Variants in VPS13B observed in about 807,000 individuals in gnomAD.
VPS13B encodes vacuolar protein sorting 13 homolog B.
In VPS13B, 285 loss-of-function variants were observed where a neutral mutation model predicts 426.4. The ratio of observed to expected loss-of-function variants is 0.67; its 90% CI spans 0.61 to 0.74. The LOEUF (loss-of-function observed/expected upper bound fraction) is 0.74, where lower values mean the gene tolerates loss of function less well. VPS13B is among the 30% of genes least tolerant of loss of function. The probability of loss-of-function intolerance (pLI) is 0.00; values close to 1 mark genes in which losing one functional copy is unlikely to be tolerated. For missense variants in VPS13B, 4,537 were observed against 4,782.6 expected (o/e 0.95, Z 1.51); for synonymous variants, 1,676 against 1,676.4 (o/e 1.00, Z 0.01).
intron 3 of VPS13B, among the ~76,000 whole-genome samples, chr8:99,048,448 A>G (rs1843344726): frequency 6.6e-6 from 1 of 152,144 alleles, no homozygotes. Flanking sequence ...TCAGTGGAGT[A>G]TTGAAGTCCC....
At chr8:99,793,277 A>ATATG (rs1812652239) in intron 43 of VPS13B, among the ~76,000 whole-genome samples, 1 of 145,286 alleles carries the variant, frequency 6.9e-6, no homozygotes, top group Non-Finnish European at 1.5e-5. Context: ...ATATATATAT[A>ATATG]TATATATAAA....
chr8:99,563,235 C>T (rs1825021981), intron 31 of VPS13B, among the ~76,000 whole-genome samples: 1 of 152,188 alleles, frequency 6.6e-6, no homozygotes, highest in Admixed American at 6.5e-5. Flanking sequence ...GTCTTTTACA[C>T]TGGAGAAACA....
intron 60 of VPS13B, chr8:99,871,109 A>G (rs2130973764): frequency 1.6e-6 from 1 of 611,184 alleles, no homozygotes; most frequent in East Asian, 2.9e-5. Flanking sequence ...GTACCTAACC[A>G]CTCAAGGAAG....
rs755074579 is a variant in VPS13B at position 99,821,103 on chromosome 8, A to AACACACACACACACAC, written c.8995-142_8995-127dup. Among the ~76,000 whole-genome samples, 24 of 78,358 alleles carry AACACACACACACACAC rather than the reference A, an allele frequency of 3.1e-4. 1 individual carries two copies. The highest frequency in any genetic ancestry group is 1.5e-3 in the East Asian group (4 of 2,644). 51.4% of individuals were successfully genotyped at this position (78,358 alleles called of 152,430 possible). ...AATAGAATGTACGTTGTCATTACAA[A>AACACACACACACACAC]ACACACACACACACACACACACACA... On this transcript the variant is annotated intron_variant, in intron 49 of 61. Transcript: ENST00000357162.
intron 40 of VPS13B, among the ~76,000 whole-genome samples, chr8:99,770,033 C>T (rs943143190): frequency 2.0e-5 from 3 of 151,984 alleles, no homozygotes; most frequent in Non-Finnish European, 4.4e-5. Flanking sequence ...ACGGTGCATG[C>T]CTGTAGTCCC....
Position 99,875,993 on chromosome 8 carries a change from C to T in VPS13B, c.*327C>T. On this transcript the variant is annotated 3_prime_UTR_variant, in exon 62 of 62. Coordinates refer to ENST00000357162, the MANE Select transcript of VPS13B (RefSeq NM_152564.5). ...AACGTGTTCCTTCCCCACTTAGAGA[C>T]AATGATTAACAGGGCCCTATATGTT... is the stretch of plus-strand genomic sequence containing the variant. The T allele has an allele frequency of 2.8e-6, 1 of 362,756 alleles. No individual in the cohort carries two copies. The highest frequency in any genetic ancestry group is 5.2e-6 in the Non-Finnish European group (1 of 192,900). The allele number at this position is 362,756 out of a possible 1,614,324, so 22.5% of individuals were successfully genotyped here.
intron 39 of VPS13B, among the ~76,000 whole-genome samples, chr8:99,735,374 A>C (rs1833781335): frequency 6.6e-6 from 1 of 152,188 alleles, no homozygotes; most frequent in Non-Finnish European, 1.5e-5. Flanking sequence ...ACTCGATTAG[A>C]GTGGGCTGTA....
chr8:99,875,848 C>T lies in VPS13B; in HGVS notation c.*182C>T. 1 of 721,486 alleles carries T rather than the reference C, an allele frequency of 1.4e-6. No homozygotes were observed. The highest frequency in any genetic ancestry group is 2.2e-6 in the Non-Finnish European group (1 of 446,222). 44.7% of individuals were successfully genotyped at this position (721,486 alleles called of 1,614,324 possible). A position where few individuals can be genotyped will look rare whatever the true frequency, so the allele number is the denominator to read the frequency against. ...ACCATAAAGGGCTGCATTTTGCCAC[C>T]ATAAAGGGCTGCATTTTTTTAAAAA... On this transcript the variant is annotated 3_prime_UTR_variant, in exon 62 of 62. Transcript: ENST00000357162.
chr8:99,386,789 A>T (rs1290318863), intron 20 of VPS13B, among the ~76,000 whole-genome samples: 2 of 152,098 alleles, frequency 1.3e-5, no homozygotes, highest in Non-Finnish European at 2.9e-5. Context: ...TGGGGAACAT[A>T]GCGAGACTCT....
At chr8:99,278,622 C>T (rs1819014756) in intron 19 of VPS13B, among the ~76,000 whole-genome samples, 1 of 152,176 alleles carries the variant, frequency 6.6e-6, no homozygotes, top group Non-Finnish European at 1.5e-5. Context: ...CATTTTCCCA[C>T]CATGTTGGGT....
chr8:99,360,162 CTTTCTTTCTTTCTTTCTTTCTTTCTT>C (rs1812445111), intron 19 of VPS13B, among the ~76,000 whole-genome samples: 2 of 35,198 alleles, frequency 5.7e-5, no homozygotes, highest in African/African-American at 2.8e-4. Flanking sequence ...TTCTTTCTTT[CTTTCTTTCTTTCTTTCTTTCTTTCTT>C]TCTCTCTCTC....
Position 99,135,672 on chromosome 8 carries a change from A to G in VPS13B, c.1502A>G (p.Tyr501Cys). The change falls in exon 11 of 62, where the codon TAC becomes TGC. Residue 501 changes from tyrosine to cysteine, a missense_variant. Physicochemically the swap from Tyr to Cys is radical, Grantham distance 194. Transcript: ENST00000357162. ...FTYLTNSLFD[Y>C]RSPENNGTRA... ...TACCTTACAAATTCATTGTTTGATTACCGAAGCCCAGAAAATAATGGTACT... is the reference window on the plus strand; with the variant it reads ...TACCTTACAAATTCATTGTTTGATTGCCGAAGCCCAGAAAATAATGGTACT... 2 of 1,613,468 alleles carry G rather than the reference A, an allele frequency of 1.2e-6. No homozygotes were observed. The highest frequency in any genetic ancestry group is 1.7e-6 in the Non-Finnish European group (2 of 1,179,538).
chr8:99,365,757 C>T (rs1363812953), intron 19 of VPS13B, among the ~76,000 whole-genome samples: 1 of 151,786 alleles, frequency 6.6e-6, no homozygotes, highest in African/African-American at 2.4e-5. Flanking sequence ...CCTTGTGATC[C>T]GCCCCCTTCA....
chr8:99,379,054 T>C (rs1006179730), intron 19 of VPS13B, among the ~76,000 whole-genome samples: 2 of 152,206 alleles, frequency 1.3e-5, no homozygotes, highest in African/African-American at 4.8e-5. Context: ...TGTCAGATCA[T>C]TGGCAGCATT....
chr8:99,094,123 C>T (rs1211604388), intron 3 of VPS13B: 3 of 152,110 alleles, frequency 2.0e-5, no homozygotes, highest in African/African-American at 4.8e-5. Flanking sequence ...ATGACATCAC[C>T]ATAATCTATA....
At chr8:99,601,196 G>A (rs1452019402) in intron 33 of VPS13B, among the ~76,000 whole-genome samples, 7 of 151,936 alleles carry the variant, frequency 4.6e-5, no homozygotes, top group East Asian at 1.9e-4. Flanking sequence ...TCCCTTCCCC[G>A]TGTCCATGTG....
chr8:99,253,730 G>A (rs967196895), intron 17 of VPS13B, among the ~76,000 whole-genome samples: 4 of 152,142 alleles, frequency 2.6e-5, no homozygotes, highest in East Asian at 3.9e-4. Context: ...TATATTAAAT[G>A]CAATAATTGA....
At chr8:99,408,744 A>T (rs1007166752) in intron 21 of VPS13B, among the ~76,000 whole-genome samples, 5 of 152,160 alleles carry the variant, frequency 3.3e-5, no homozygotes, top group Non-Finnish European at 7.3e-5. Context: ...CTAAGAAGAA[A>T]GTGTTTGTAG....
At chr8:99,396,565 A>G (rs924299250) in intron 21 of VPS13B, among the ~76,000 whole-genome samples, 1 of 152,022 alleles carries the variant, frequency 6.6e-6, no homozygotes, top group African/African-American at 2.4e-5. Context: ...GGTCTGTGCA[A>G]ATTTTGTCAT....
Sources: gnomAD v4.1 joint callset for allele counts (sites outside exome capture counted in the v4.1 genomes callset) on GRCh38, gnomAD v4.1.1 for gene constraint, MANE v1.5 for transcripts, NCBI Gene and HGNC (gene_info 2026-07-23, HGNC 2026-07-21) for gene names.